The following PGCKA1 variants were observed in gnomAD, a reference collection of about 807,000 sequenced individuals.
PGCKA1 encodes the protein PDCD10 and GCKIII kinases associated 1, also known as PDCD10 and GCKIII kinases-associated protein 1.
At chr4:37,572,500 T>C in the PGCKA1 span, among the ~76,000 whole-genome samples, 1 of 152,192 alleles carries the variant, frequency 6.6e-6, no homozygotes, top group African/African-American at 2.4e-5. Context: ...GCTTTGTTGT[T>C]CTCTCTGTCT....
chr4:37,469,098 A>G, the PGCKA1 span, among the ~76,000 whole-genome samples: 1 of 152,156 alleles, frequency 6.6e-6, no homozygotes. Context: ...TCAGTAGTAT[A>G]GTCACATGCG....
chr4:37,475,035 A>G, the PGCKA1 span, among the ~76,000 whole-genome samples: 1 of 152,206 alleles, frequency 6.6e-6, no homozygotes, highest in African/African-American at 2.4e-5. Flanking sequence ...ACTGTCAGTT[A>G]TGGAAGGTAC....
chr4:37,579,347 A>T, the PGCKA1 span, among the ~76,000 whole-genome samples: 1 of 152,218 alleles, frequency 6.6e-6, no homozygotes, highest in Non-Finnish European at 1.5e-5. Flanking sequence ...CTGTTTGCTT[A>T]TGATTACCAG....
chr4:37,482,244 A>C, the PGCKA1 span, among the ~76,000 whole-genome samples: 1 of 152,238 alleles, frequency 6.6e-6, no homozygotes, highest in African/African-American at 2.4e-5. Context: ...TGGAGGGCTC[A>C]GGAGAAGACA....
chr4:37,499,987 A>G, the PGCKA1 span, among the ~76,000 whole-genome samples: 1 of 134,452 alleles, frequency 7.4e-6, no homozygotes, highest in South Asian at 2.4e-4. Flanking sequence ...CAGTGGCACG[A>G]TCTCGGCTCA....
At chr4:37,583,537 C>T in the PGCKA1 span, among the ~76,000 whole-genome samples, 1 of 151,900 alleles carries the variant, frequency 6.6e-6, no homozygotes, top group Non-Finnish European at 1.5e-5. Context: ...CCCAGGTTCA[C>T]GCCATTCTCC....
chr4:37,541,900 C>T, the PGCKA1 span, among the ~76,000 whole-genome samples: 2 of 152,104 alleles, frequency 1.3e-5, no homozygotes, highest in South Asian at 2.1e-4. Context: ...AGTCCAGTGG[C>T]GGCAGGCTGG....
At chr4:37,558,507 G>A in the PGCKA1 span, among the ~76,000 whole-genome samples, 1 of 151,990 alleles carries the variant, frequency 6.6e-6, no homozygotes, top group Non-Finnish European at 1.5e-5. Context: ...GAAAACCTAG[G>A]CATTACCATT....
At chr4:37,564,181 G>A in the PGCKA1 span, among the ~76,000 whole-genome samples, 1 of 151,224 alleles carries the variant, frequency 6.6e-6, no homozygotes, top group Admixed American at 6.6e-5. Flanking sequence ...GGCTGAGGCA[G>A]GAGAATCACT....
chr4:37,478,149 C>G, the PGCKA1 span, among the ~76,000 whole-genome samples: 2 of 111,634 alleles, frequency 1.8e-5, no homozygotes, highest in East Asian at 3.0e-4. Flanking sequence ...AACACCCCCC[C>G]CCACCGCCAC....
At chr4:37,538,231 C>T in the PGCKA1 span, among the ~76,000 whole-genome samples, 13 of 152,328 alleles carry the variant, frequency 8.5e-5, no homozygotes, top group African/African-American at 1.7e-4. Context: ...GCACCACAGC[C>T]GCAGTGACTT....
the PGCKA1 span, among the ~76,000 whole-genome samples, chr4:37,527,497 C>A: frequency 2.0e-5 from 3 of 152,012 alleles, no homozygotes; most frequent in African/African-American, 7.3e-5. Context: ...TTTTACTGTA[C>A]CTTTTCTCTA....
chr4:37,474,261 T>G, the PGCKA1 span, among the ~76,000 whole-genome samples: 1 of 152,132 alleles, frequency 6.6e-6, no homozygotes, highest in Non-Finnish European at 1.5e-5. Flanking sequence ...CGGGTTTCTC[T>G]CTTGCCTTTC....
the PGCKA1 span, among the ~76,000 whole-genome samples, chr4:37,473,676 A>C: frequency 6.6e-6 from 1 of 152,098 alleles, no homozygotes; most frequent in Non-Finnish European, 1.5e-5. Flanking sequence ...TCTCCTTGCT[A>C]TCTCCCATTC....
At chr4:37,580,242 T>C in the PGCKA1 span, among the ~76,000 whole-genome samples, 3 of 152,072 alleles carry the variant, frequency 2.0e-5, no homozygotes, top group African/African-American at 4.8e-5. Flanking sequence ...GTCAGAAAAG[T>C]CATATATCTC....
At chr4:37,492,005 T>C in the PGCKA1 span, among the ~76,000 whole-genome samples, 2 of 151,894 alleles carry the variant, frequency 1.3e-5, no homozygotes, top group African/African-American at 4.8e-5. The surrounding 1 kb of genome is among the most constrained non-coding windows in gnomAD (Gnocchi z 4.7). Context: ...TAAGCAAATA[T>C]GGACACAGGT....
the PGCKA1 span, among the ~76,000 whole-genome samples, chr4:37,474,596 A>G: frequency 1.3e-5 from 2 of 152,222 alleles, no homozygotes; most frequent in Admixed American, 1.3e-4. Flanking sequence ...TTTTGGTACT[A>G]GCTAATGGTT....
chr4:37,592,358 A>T, the PGCKA1 span, among the ~76,000 whole-genome samples: 2 of 150,868 alleles, frequency 1.3e-5, no homozygotes, highest in Admixed American at 1.3e-4. Context: ...TCTATGAAAA[A>T]AAAAAAAAAA....
the PGCKA1 span, among the ~76,000 whole-genome samples, chr4:37,520,184 T>TG: frequency 2.0e-5 from 3 of 152,250 alleles, no homozygotes; most frequent in Non-Finnish European, 1.5e-5. Context: ...TGAGGATTTT[T>TG]GCCTCAATAT....
Sources: allele counts gnomAD v4.1 joint callset (sites outside exome capture counted in the v4.1 genomes callset), GRCh38; gene constraint gnomAD v4.1.1; non-coding constraint Gnocchi (gnomAD v3.1); transcripts MANE v1.5; gene names NCBI Gene and HGNC (gene_info 2026-07-23, HGNC 2026-07-21).